SLC37A2: variants seen among roughly 807,000 people sequenced by gnomAD.
SLC37A2 encodes solute carrier family 37 member 2, also known as glucose-6-phosphate exchanger SLC37A2.
In SLC37A2, 59 loss-of-function variants were observed where a neutral mutation model predicts 70.7. That is an observed-to-expected ratio of 0.83 (90% CI 0.68 to 1.04). The LOEUF (loss-of-function observed/expected upper bound fraction) is 1.04, where lower values mean the gene tolerates loss of function less well. SLC37A2 is among the 50% of genes least tolerant of loss of function. SLC37A2 has a pLI of 0.00. For missense variants in SLC37A2, 580 were observed against 658.1 expected, an observed-to-expected ratio of 0.88 and a Z score of 1.30; for synonymous variants, 257 against 262.1, an observed-to-expected ratio of 0.98 and a Z score of 0.19.
chr11:125,065,856 A>G (rs550264898), intron 1 of SLC37A2, among the ~76,000 whole-genome samples: 1 of 152,330 alleles, frequency 6.6e-6, no homozygotes, highest in South Asian at 2.1e-4. Flanking sequence ...GGTAGGGAGA[A>G]AAAGATATTT....
intron 1 of SLC37A2, among the ~76,000 whole-genome samples, chr11:125,067,491 T>G (rs559428745): frequency 6.6e-6 from 1 of 152,322 alleles, no homozygotes; most frequent in African/African-American, 2.4e-5. Flanking sequence ...AATATAAATT[T>G]AACCTAGAGA....
chr11:125,081,641 G>T, intron 8 of SLC37A2, 113 bp from the exon 9 acceptor site: 1 of 1,441,762 alleles, frequency 6.9e-7, no homozygotes. Context: ...AGCCCGAGAC[G>T]AACGTGTGCC....
rs139756157 is a variant in SLC37A2, at chr11:125,066,757, GATATA to G, written c.59+3337_59+3341del. On this transcript the variant is annotated intron_variant, in intron 1 of 17. Transcript: ENST00000403796. ...GATTTTTACAGAGAAAAAATTTTAA[GATATA>G]ATATATAAAAATTCTGGGATATAAT... Among the ~76,000 whole-genome samples, 696 of 152,064 alleles carry G rather than the reference GATATA, an allele frequency of 4.6e-3. 8 individuals are homozygous for G. The highest frequency in any genetic ancestry group is 0.015 in the African/African-American group (637 of 41,510).
Position 125,081,899 on chromosome 11 carries a change from G to T in SLC37A2, c.878G>T (p.Arg293Leu). The T allele has an allele frequency of 6.2e-7, 1 of 1,604,404 alleles. No individual in the cohort carries two copies. Among genetic ancestry groups the T allele is most frequent in the Non-Finnish European group, 8.5e-7 (1 of 1,176,518 alleles). ...GCCATCAGCTTCTTTGGGGCGCTCC[G>T]GATCCCAGTAAGAAGTTTGTGGAAT... is the stretch of plus-strand genomic sequence containing the variant. The part of the protein sequence containing the change: ...PAAISFFGAL[R>L]IPGVVEFSLC... Residue 293 changes from arginine to leucine, a missense_variant, in exon 9 of 18, where the codon CGG (arginine) becomes CTG (leucine). By Grantham distance (102) the Arg-to-Leu change is moderately radical. Coordinates refer to ENST00000403796, the MANE Select transcript of SLC37A2 (RefSeq NM_001145290.2).
At chr11:125,084,950 G>C (rs573627531) in intron 13 of SLC37A2, 77 bp downstream of exon 13, 64 of 1,600,160 alleles carry the variant, frequency 4.0e-5, no homozygotes, top group South Asian at 3.1e-4. Context: ...TGGCCCACGG[G>C]GGGCACTGAC....
At chr11:125,074,344 C>G (rs1029552205) in intron 1 of SLC37A2, among the ~76,000 whole-genome samples, 3 of 151,984 alleles carry the variant, frequency 2.0e-5, no homozygotes, top group African/African-American at 7.3e-5. Flanking sequence ...GACCTGTGCG[C>G]CCAGGCAGGT....
At chr11:125,069,549 T>A (rs1717639846) in intron 1 of SLC37A2, among the ~76,000 whole-genome samples, 1 of 152,342 alleles carries the variant, frequency 6.6e-6, no homozygotes, top group East Asian at 1.9e-4. Context: ...TATAAATTTC[T>A]GTGGAGGGAG....
chr11:125,076,234 A>G (rs911402245), intron 1 of SLC37A2, among the ~76,000 whole-genome samples: 5 of 152,134 alleles, frequency 3.3e-5, no homozygotes, highest in African/African-American at 9.7e-5. Context: ...CACCTGTCCC[A>G]CTGCCACTTC....
At chr11:125,072,951 C>T (rs1949044704) in intron 1 of SLC37A2, among the ~76,000 whole-genome samples, 1 of 152,180 alleles carries the variant, frequency 6.6e-6, no homozygotes, top group Admixed American at 6.5e-5. Flanking sequence ...AGTGCCAGGC[C>T]TAGTGTCACA....
In SLC37A2 at chr11:125,080,825, G is replaced by A. The variant is rs371937226; in HGVS notation, c.694+45G>A. 9.7e-6 allele frequency: 13 copies of A among 1,343,486 alleles called. No individual in the cohort carries two copies. The highest frequency in any genetic ancestry group is 8.9e-5 in the Admixed American group (3 of 33,588). 83.2% of individuals were successfully genotyped at this position (1,343,486 alleles called of 1,614,324 possible). A position where few individuals can be genotyped will look rare whatever the true frequency, so the allele number is the denominator to read the frequency against. ...CCCACAAGTGAGCCTAGAAGTTCTC[G>A]GTTTCTGGGAGAAGGCAGCTGGATC... On this transcript the variant is annotated intron_variant, in intron 7 of 17. Coordinates refer to ENST00000403796, the MANE Select transcript of SLC37A2 (RefSeq NM_001145290.2). The surrounding 1 kb of genome is among the most constrained non-coding windows in gnomAD (Gnocchi z 4.3).
chr11:125,064,631 C>T (rs1331179957), intron 1 of SLC37A2, among the ~76,000 whole-genome samples: 1 of 152,150 alleles, frequency 6.6e-6, no homozygotes, highest in African/African-American at 2.4e-5. Flanking sequence ...TTTACCTAGT[C>T]TTTTTTGAGT....
At position 125,080,789 on chromosome 11, in the gene SLC37A2, GC is replaced by G; in HGVS notation, c.694+13del. On this transcript the variant is annotated intron_variant, in intron 7 of 17. Transcript: ENST00000403796. The surrounding 1 kb of genome is among the most constrained non-coding windows in gnomAD (Gnocchi z 4.3). ...CCTCTTCCTCATCGAACGTGAGTGG[GC>G]CCCTCACTCCCCACAAGTGAGCCTA... 2 of 1,453,736 alleles carry G rather than the reference GC, an allele frequency of 1.4e-6. No individual in the cohort carries two copies. The highest frequency in any genetic ancestry group is 1.5e-5 in the South Asian group (1 of 66,260). The allele number at this position is 1,453,736 out of a possible 1,614,324, so 90.1% of individuals were successfully genotyped here. A position where few individuals can be genotyped will look rare whatever the true frequency, so the allele number is the denominator to read the frequency against.
In SLC37A2 at chr11:125,088,900, G is replaced by A. The variant is rs1438295009; in HGVS notation, c.*766G>A. The A allele has an allele frequency of 6.6e-6, 1 of 152,314 alleles. No homozygotes were observed. The highest frequency in any genetic ancestry group is 1.5e-5 in the Non-Finnish European group (1 of 68,110). The allele number at this position is 152,314 out of a possible 1,614,324, so 9.4% of individuals were successfully genotyped here. ...GGGGTTGGCATGACTAAAAATACCA[G>A]TATGTGTATTAAGTATTTTGAGAAT... On this transcript the variant is annotated 3_prime_UTR_variant, in exon 18 of 18. Transcript: ENST00000403796.
Position 125,063,449 on chromosome 11 carries a change from G to A in SLC37A2, c.59+23G>A, listed in dbSNP as rs538309169. On this transcript the variant is annotated intron_variant, in intron 1 of 17. Coordinates refer to ENST00000403796, the MANE Select transcript of SLC37A2 (RefSeq NM_001145290.2). The surrounding 1 kb of genome is among the most constrained non-coding windows in gnomAD (Gnocchi z 5.4). ...CTGGTGAGCGGGGCAGGGGAGGGAGGCGTGCCGGGACCTCCTGGGCTCGGG... is the reference window on the plus strand; with the variant it reads ...CTGGTGAGCGGGGCAGGGGAGGGAGACGTGCCGGGACCTCCTGGGCTCGGG... 1.2e-6 allele frequency: 2 copies of A among 1,605,186 alleles called. No homozygotes were observed. Among genetic ancestry groups the A allele is most frequent in the South Asian group, 2.2e-5 (2 of 89,356 alleles).
rs1235422328 is a variant in SLC37A2 at position 125,089,158 on chromosome 11, T to G, written c.*1024T>G. On this transcript the variant is annotated 3_prime_UTR_variant, in exon 18 of 18. Coordinates refer to ENST00000403796, the MANE Select transcript of SLC37A2 (RefSeq NM_001145290.2). ...CCACCCCAAGTCCCGGATCACTCGC[T>G]GTTTTCTGGCTAGCTCTTGGCATCT... The G allele has an allele frequency of 1.3e-5, 2 of 152,376 alleles. No individual in the cohort carries two copies. 9.4% of individuals were successfully genotyped at this position (152,376 alleles called of 1,614,324 possible).
Position 125,077,509 on chromosome 11 carries a change from G to T in SLC37A2, c.295G>T (p.Ala99Ser), listed in dbSNP as rs1231919139. ...GVDNAFLIAY[A>S]IGMFISGVFG... is the part of the protein sequence containing the mutation. ...GGACAACGCCTTCCTCATCGCCTAT[G>T]CCATCGGCATGTTCATCAGGTAAGG... Residue 99 changes from alanine to serine, a missense_variant, in exon 4 of 18, where the codon GCC becomes TCC. Coordinates refer to ENST00000403796, the MANE Select transcript of SLC37A2 (RefSeq NM_001145290.2). The T allele has an allele frequency of 6.2e-7, 1 of 1,613,748 alleles. No homozygotes were observed. Among genetic ancestry groups the T allele is most frequent in the Admixed American group, 1.7e-5 (1 of 59,986 alleles).
At chr11:125,070,429 A>C (rs58206650) in intron 1 of SLC37A2, among the ~76,000 whole-genome samples, 41,361 of 151,852 alleles carry the variant, frequency 0.27, 6,606 homozygotes, top group African/African-American at 0.45. Context: ...GCAGCAGGGG[A>C]ATATGATCTT....
At chr11:125,074,775 C>T (rs762870138) in intron 1 of SLC37A2, among the ~76,000 whole-genome samples, 5 of 152,168 alleles carry the variant, frequency 3.3e-5, no homozygotes, top group East Asian at 1.9e-4. Flanking sequence ...GCTTCACTGC[C>T]GAGCCTGCAA....
chr11:125,079,449 T>G (rs1949124777), intron 5 of SLC37A2, among the ~76,000 whole-genome samples: 1 of 152,148 alleles, frequency 6.6e-6, no homozygotes, highest in Non-Finnish European at 1.5e-5. Flanking sequence ...AACGCTGTGG[T>G]CACTTCCAAT....
Sources: gnomAD v4.1 joint callset for allele counts (sites outside exome capture counted in the v4.1 genomes callset) on GRCh38, gnomAD v4.1.1 for gene constraint, Gnocchi (gnomAD v3.1) non-coding constraint, MANE v1.5 for transcripts, NCBI Gene and HGNC (gene_info 2026-07-23, HGNC 2026-07-21) for gene names.